The following CSMD1 variants were observed in gnomAD, a reference collection of about 807,000 sequenced individuals.
CSMD1 encodes CUB and Sushi multiple domains 1, also known as CUB and sushi domain-containing protein 1.
A neutral mutation model predicts 417.5 loss-of-function variants in CSMD1; 213 were observed. The ratio of observed to expected loss-of-function variants is 0.51; its 90% CI spans 0.46 to 0.57. The LOEUF (loss-of-function observed/expected upper bound fraction) is 0.57. Ranked by LOEUF, CSMD1 falls within the 20% of genes least tolerant of loss-of-function variation. CSMD1 has a pLI of 0.00. For missense variants in CSMD1, 6,923 were observed against 4,529.7 expected, an observed-to-expected ratio of 1.53 and a Z score of -15.17; for synonymous variants, 2,862 against 1,736.8, an observed-to-expected ratio of 1.65 and a Z score of -16.11.
rs146865146 is a variant in CSMD1, at chr8:4,585,400, C to T, written c.302+51942G>A. On this transcript the variant is annotated intron_variant, in intron 2 of 69. Coordinates refer to ENST00000635120, the MANE Select transcript of CSMD1 (RefSeq NM_033225.6). ...AATTTTTGAAAGAGGGATAACGAAA[C>T]TAATAGTAAATGAAGAATGACTGTC... Among the ~76,000 whole-genome samples the T allele has an allele frequency of 4.5e-4, 69 of 152,044 alleles. 1 individual carries two copies. Among genetic ancestry groups the T allele is most frequent in the South Asian group, 3.7e-3 (18 of 4,816 alleles).
At chr8:4,332,762 A>C (rs1799948214) in intron 3 of CSMD1, among the ~76,000 whole-genome samples, 2 of 152,074 alleles carry the variant, frequency 1.3e-5, no homozygotes, top group Non-Finnish European at 2.9e-5. Context: ...ATGTAATGGC[A>C]TGTGATGAAT....
At chr8:4,327,656 C>G (rs1392432161) in intron 3 of CSMD1, among the ~76,000 whole-genome samples, 1 of 152,162 alleles carries the variant, frequency 6.6e-6, no homozygotes, top group African/African-American at 2.4e-5. Flanking sequence ...CAACAAAAAG[C>G]TCCACGATGC....
At chr8:3,937,263 G>A (rs753182888) in intron 5 of CSMD1, among the ~76,000 whole-genome samples, 2 of 151,742 alleles carry the variant, frequency 1.3e-5, no homozygotes, top group Non-Finnish European at 2.9e-5. Flanking sequence ...AGCAGGGTTA[G>A]AGAAGACTGA....
chr8:3,041,611 C>G (rs1398005815), intron 50 of CSMD1, among the ~76,000 whole-genome samples: 2 of 152,244 alleles, frequency 1.3e-5, no homozygotes, highest in Non-Finnish European at 2.9e-5. Context: ...CCACATCTAT[C>G]TGTAGAAATG....
chr8:4,738,216 G>A (rs755830814), intron 1 of CSMD1, among the ~76,000 whole-genome samples: 17 of 152,252 alleles, frequency 1.1e-4, no homozygotes, highest in African/African-American at 3.6e-4. Flanking sequence ...AAAAAAGAAT[G>A]TCCCTACAGT....
intron 2 of CSMD1, among the ~76,000 whole-genome samples, chr8:4,632,639 G>C (rs1174906067): frequency 6.6e-6 from 1 of 152,158 alleles, no homozygotes; most frequent in African/African-American, 2.4e-5. Context: ...AGATATACAA[G>C]CCCCGAGCCC....
At chr8:3,094,005 T>C (rs996664119) in intron 47 of CSMD1, among the ~76,000 whole-genome samples, 1 of 152,190 alleles carries the variant, frequency 6.6e-6, no homozygotes, top group Non-Finnish European at 1.5e-5. Flanking sequence ...AAAATGCCAC[T>C]GGTAAATTAA....
At chr8:3,753,754 G>T (rs1207597809) in intron 6 of CSMD1, among the ~76,000 whole-genome samples, 176 bp downstream of exon 6, 1 of 152,182 alleles carries the variant, frequency 6.6e-6, no homozygotes, top group African/African-American at 2.4e-5. Context: ...TAGTGATATA[G>T]CTTTACTAAT....
At chr8:3,239,000 G>A (rs1799327436) in intron 26 of CSMD1, among the ~76,000 whole-genome samples, 1 of 152,172 alleles carries the variant, frequency 6.6e-6, no homozygotes, top group South Asian at 2.1e-4. Context: ...CAAAGTTGGT[G>A]TGGTGTCTGG....
chr8:4,590,425 T>C (rs974825495), intron 2 of CSMD1, among the ~76,000 whole-genome samples: 1 of 152,222 alleles, frequency 6.6e-6, no homozygotes, highest in Non-Finnish European at 1.5e-5. Context: ...TTTATGTTAT[T>C]CATCCCTAGC....
intron 34 of CSMD1, 131 bp from the exon 35 acceptor site, chr8:3,189,142 C>T (rs1034672126): frequency 2.4e-5 from 18 of 757,924 alleles, no homozygotes; most frequent in Non-Finnish European, 3.4e-5. Flanking sequence ...TTAAACGGCA[C>T]TTTTAGCCAA....
At chr8:4,218,093 T>C (rs1162767800) in intron 3 of CSMD1, among the ~76,000 whole-genome samples, 1 of 152,168 alleles carries the variant, frequency 6.6e-6, no homozygotes, top group Non-Finnish European at 1.5e-5. Flanking sequence ...TTTTGAATTT[T>C]TGCAATCGGA....
chr8:3,934,488 T>C (rs934962806), intron 5 of CSMD1, among the ~76,000 whole-genome samples: 9 of 152,180 alleles, frequency 5.9e-5, no homozygotes, highest in African/African-American at 2.2e-4. Context: ...GAAGTATTTT[T>C]AATAATTGAA....
At position 3,471,423 on chromosome 8, in the gene CSMD1, A is replaced by G. The variant is rs192900944; in HGVS notation, c.1449-2599T>C. ...GTTCCACATGCAATTACAACAAATT[A>G]TATTCCATAAGTATTAGTTGCAGGG... On this transcript the variant is annotated intron_variant, in intron 11 of 69. Coordinates refer to ENST00000635120, the MANE Select transcript of CSMD1 (RefSeq NM_033225.6). 2.0e-3 allele frequency among the ~76,000 whole-genome samples: 307 copies of G among 152,310 alleles called. 2 individuals are homozygous for G. The highest frequency in any genetic ancestry group is 6.9e-3 in the African/African-American group (287 of 41,568).
intron 1 of CSMD1, among the ~76,000 whole-genome samples, chr8:4,948,062 G>C (rs1463960855): frequency 6.6e-6 from 1 of 151,070 alleles, no homozygotes; most frequent in African/African-American, 2.5e-5. Flanking sequence ...TACCATAGTA[G>C]TAGAATTTCA....
chr8:3,774,184 C>T (rs543536841), intron 5 of CSMD1, among the ~76,000 whole-genome samples: 3 of 152,272 alleles, frequency 2.0e-5, no homozygotes, highest in East Asian at 3.9e-4. Context: ...ACCTGCACCG[C>T]CTGACCCTTC....
At chr8:3,988,095 T>A (rs535941033) in intron 5 of CSMD1, among the ~76,000 whole-genome samples, 2 of 152,078 alleles carry the variant, frequency 1.3e-5, no homozygotes, top group Non-Finnish European at 2.9e-5. Context: ...AATATTGTGA[T>A]TTTTTTATAC....
At chr8:3,605,991 A>T (rs1172931091) in intron 8 of CSMD1, among the ~76,000 whole-genome samples, 1 of 152,228 alleles carries the variant, frequency 6.6e-6, no homozygotes, top group South Asian at 2.1e-4. Flanking sequence ...GGGTCCGGTC[A>T]TATAAAATCA....
chr8:3,496,197 C>G (rs1209563577), intron 10 of CSMD1, among the ~76,000 whole-genome samples: 1 of 152,200 alleles, frequency 6.6e-6, no homozygotes, highest in Non-Finnish European at 1.5e-5. Flanking sequence ...TAAGTGCCTG[C>G]TTAATGTTCC....
Sources: allele counts gnomAD v4.1 joint callset (sites outside exome capture counted in the v4.1 genomes callset), GRCh38; gene constraint gnomAD v4.1.1; transcripts MANE v1.5; gene names NCBI Gene and HGNC (gene_info 2026-07-23, HGNC 2026-07-21).